CPA6: variants seen among roughly 807,000 people sequenced by gnomAD.
The protein encoded by CPA6 is carboxypeptidase A6.
CPA6 carries 58 observed loss-of-function variants against 63.3 expected under a neutral mutation model. That is an observed-to-expected ratio of 0.92 (90% CI 0.74 to 1.14). The LOEUF is 1.14. Ranked by LOEUF, CPA6 falls within the 50% of genes most tolerant of loss-of-function variation. The pLI is 0.00. For missense variants in CPA6, 565 were observed against 526.6 expected, an observed-to-expected ratio of 1.07 and a Z score of -0.71; for synonymous variants, 185 against 179.0, an observed-to-expected ratio of 1.03 and a Z score of -0.27.
chr8:67,590,371 G>A (rs974245341), intron 2 of CPA6, among the ~76,000 whole-genome samples: 43 of 151,668 alleles, frequency 2.8e-4, no homozygotes, highest in African/African-American at 1.0e-3. Flanking sequence ...TGTCTTTATA[G>A]CAGCATGATT....
chr8:67,463,383 G>A (rs1350250017), intron 8 of CPA6, among the ~76,000 whole-genome samples: 1 of 152,064 alleles, frequency 6.6e-6, no homozygotes, highest in Non-Finnish European at 1.5e-5. Context: ...GGCAGAGGTT[G>A]CAGTGAGCTG....
chr8:67,475,889 T>TCTTTCTTTCTTTCTTTCTTTCTTTCTC (rs1811210652), intron 8 of CPA6, among the ~76,000 whole-genome samples: 1 of 54,566 alleles, frequency 1.8e-5, no homozygotes, highest in Admixed American at 2.0e-4. Context: ...CTCCTTTCTT[T>TCTTTCTTTCTTTCTTTCTTTCTTTCTC]CTTTCTTTCT....
intron 8 of CPA6, among the ~76,000 whole-genome samples, chr8:67,446,949 C>T (rs1366330977): frequency 6.6e-6 from 1 of 151,992 alleles, no homozygotes; most frequent in Non-Finnish European, 1.5e-5. Context: ...TGTACTCACA[C>T]ACCATGCATA....
Position 67,422,341 on chromosome 8 carries a change from A to C in CPA6, c.*163T>G, listed in dbSNP as rs948341009. 5.9e-6 allele frequency: 3 copies of C among 508,830 alleles called. No homozygotes were observed. The highest frequency in any genetic ancestry group is 5.7e-5 in the African/African-American group (3 of 52,904). 31.5% of individuals were successfully genotyped at this position (508,830 alleles called of 1,614,324 possible). On this transcript the variant is annotated 3_prime_UTR_variant, in exon 11 of 11. Transcript: ENST00000297770. ...CAAACTAGGCTATGCCCTGTTTTTT[A>C]CTGTTTTCTATTGCCACAAAGTCAA...
At chr8:67,619,644 G>A (rs1161316982) in intron 2 of CPA6, among the ~76,000 whole-genome samples, 2 of 152,286 alleles carry the variant, frequency 1.3e-5, no homozygotes, top group East Asian at 3.9e-4. Context: ...CTGCCCAAGA[G>A]TTGCTTAAAG....
chr8:67,493,175 C>T (rs1384199171), intron 6 of CPA6, among the ~76,000 whole-genome samples: 1 of 152,014 alleles, frequency 6.6e-6, no homozygotes, highest in Admixed American at 6.6e-5. Flanking sequence ...TTATTTATTC[C>T]CTGTTTTTTG....
At chr8:67,630,516 C>T (rs2128987983) in intron 1 of CPA6, among the ~76,000 whole-genome samples, 1 of 152,308 alleles carries the variant, frequency 6.6e-6, no homozygotes, top group South Asian at 2.1e-4. Context: ...CCTGCTGTAC[C>T]ACCTTTTAAA....
chr8:67,492,228 G>A (rs376817788), intron 6 of CPA6, among the ~76,000 whole-genome samples: 23 of 152,286 alleles, frequency 1.5e-4, no homozygotes, highest in Admixed American at 1.0e-3. Flanking sequence ...CAATACAGAT[G>A]AGGCAAGTGG....
chr8:67,528,267 G>C (rs1812406206), intron 2 of CPA6, among the ~76,000 whole-genome samples: 1 of 152,198 alleles, frequency 6.6e-6, no homozygotes, highest in Non-Finnish European at 1.5e-5. Flanking sequence ...ATTACCAAAT[G>C]ATGAGCAGGA....
chr8:67,520,314 T>A (rs886076513), intron 2 of CPA6, among the ~76,000 whole-genome samples: 1 of 152,118 alleles, frequency 6.6e-6, no homozygotes, highest in Admixed American at 6.6e-5. Flanking sequence ...GAAAGTTCCA[T>A]GAAATGGACC....
chr8:67,434,326 T>C (rs1442366982), intron 8 of CPA6, 86 bp from the exon 9 acceptor site: 1 of 1,037,822 alleles, frequency 9.6e-7, no homozygotes, highest in Non-Finnish European at 1.4e-6. Flanking sequence ...CTGTGATTTT[T>C]CTTTTATTTC....
chr8:67,424,310 C>T (rs189391332), intron 10 of CPA6, among the ~76,000 whole-genome samples: 3 of 152,264 alleles, frequency 2.0e-5, no homozygotes, highest in Non-Finnish European at 4.4e-5. Context: ...TCCCCCACCC[C>T]ACCCCTGTCC....
chr8:67,703,932 T>A (rs145047853), intron 1 of CPA6, among the ~76,000 whole-genome samples: 63 of 150,120 alleles, frequency 4.2e-4, no homozygotes, highest in African/African-American at 1.4e-3. Flanking sequence ...CTGCTTTTTT[T>A]TTGTTGTTGT....
At chr8:67,572,559 C>T (rs1266544745) in intron 2 of CPA6, among the ~76,000 whole-genome samples, 1 of 152,134 alleles carries the variant, frequency 6.6e-6, no homozygotes, top group East Asian at 1.9e-4. Context: ...AACTTCTCAG[C>T]CTGCAGAACT....
At chr8:67,666,392 C>A (rs1816226853) in intron 1 of CPA6, among the ~76,000 whole-genome samples, 1 of 152,036 alleles carries the variant, frequency 6.6e-6, no homozygotes. Context: ...GCAAGGAGAT[C>A]TCAGGATCAA....
intron 1 of CPA6, among the ~76,000 whole-genome samples, chr8:67,676,099 C>G (rs1028302476): frequency 1.3e-5 from 2 of 152,208 alleles, no homozygotes; most frequent in African/African-American, 4.8e-5. Flanking sequence ...GGATGTGACA[C>G]ACTATACCTA....
intron 1 of CPA6, among the ~76,000 whole-genome samples, chr8:67,734,315 T>G (rs1260720032): frequency 2.8e-5 from 4 of 143,576 alleles, no homozygotes; most frequent in African/African-American, 1.0e-4. Context: ...GTGTGGAAGG[T>G]GCATGACCTC....
intron 8 of CPA6, among the ~76,000 whole-genome samples, chr8:67,475,894 C>CTTTT (rs1245318515): frequency 1.6e-5 from 1 of 63,548 alleles, no homozygotes; most frequent in Non-Finnish European, 3.1e-5. Flanking sequence ...TTCTTTCTTT[C>CTTTT]TTTCTTTCTT....
intron 2 of CPA6, among the ~76,000 whole-genome samples, chr8:67,540,579 G>A (rs1405043430): frequency 2.0e-5 from 3 of 152,256 alleles, no homozygotes; most frequent in African/African-American, 4.8e-5. Context: ...AGGCAGGAAC[G>A]TTTAAGTCTC....
Sources: allele counts gnomAD v4.1 joint callset (sites outside exome capture counted in the v4.1 genomes callset), GRCh38; gene constraint gnomAD v4.1.1; transcripts MANE v1.5; gene names NCBI Gene and HGNC (gene_info 2026-07-23, HGNC 2026-07-21).